STARD13: variants seen among roughly 807,000 people sequenced by gnomAD.
The protein encoded by STARD13 is stAR-related lipid transfer protein 13.
Under a neutral mutation model 106.4 loss-of-function variants are expected in STARD13, and 62 were observed. The observed-to-expected ratio is 0.58, with a 90% CI of 0.48 to 0.72. STARD13 has a LOEUF of 0.72. Among genes scored for constraint, STARD13 ranks in the 30% least tolerant of loss-of-function variants. The pLI, the probability that STARD13 is intolerant of heterozygous loss-of-function variation, is 0.00. For synonymous variants in STARD13, 565 were observed against 553.0 expected, an observed-to-expected ratio of 1.02 and a Z score of -0.31; for missense variants, 1,387 against 1,424.0, an observed-to-expected ratio of 0.97 and a Z score of 0.42.
intron 1 of STARD13, among the ~76,000 whole-genome samples, chr13:33,220,419 G>A (rs1302827505): frequency 3.9e-5 from 6 of 152,190 alleles, no homozygotes; most frequent in African/African-American, 1.2e-4. Flanking sequence ...TAGGCCAGGC[G>A]TGGTGGCTCA....
chr13:33,125,957 C>G, intron 7 of STARD13, 124 bp downstream of exon 7: 4 of 865,734 alleles, frequency 4.6e-6, no homozygotes, highest in Non-Finnish European at 7.2e-6. Context: ...GGTCACAATG[C>G]CTTTTATTTT....
At chr13:33,670,790 G>A in the STARD13 span, among the ~76,000 whole-genome samples, 1 of 152,144 alleles carries the variant, frequency 6.6e-6, no homozygotes, top group Non-Finnish European at 1.5e-5. Flanking sequence ...CATTCAACTA[G>A]TTATTAATCT....
At chr13:33,179,241 C>T (rs901864733) in intron 1 of STARD13, among the ~76,000 whole-genome samples, 10 of 152,148 alleles carry the variant, frequency 6.6e-5, no homozygotes, top group African/African-American at 1.2e-4. Flanking sequence ...GGGGTAAATA[C>T]GGCATCAAGC....
intron 1 of STARD13, among the ~76,000 whole-genome samples, chr13:33,308,520 C>CTTTTCT (rs1893003826): frequency 5.6e-5 from 5 of 88,552 alleles, no homozygotes; most frequent in Admixed American, 1.5e-4. Context: ...CTTTTTCTTT[C>CTTTTCT]TTTTTTTTTT....
the STARD13 span, among the ~76,000 whole-genome samples, chr13:33,525,728 C>T: frequency 8.5e-5 from 13 of 152,092 alleles, no homozygotes; most frequent in East Asian, 2.1e-3. Context: ...ATCAGATCTG[C>T]GGAAGCAGGA....
the STARD13 span, among the ~76,000 whole-genome samples, chr13:33,544,856 C>A: frequency 6.8e-6 from 1 of 147,414 alleles, no homozygotes; most frequent in African/African-American, 2.5e-5. Context: ...TCACTGCAAT[C>A]TCTGCCTCCC....
At chr13:33,430,787 T>C in the STARD13 span, among the ~76,000 whole-genome samples, 8 of 152,032 alleles carry the variant, frequency 5.3e-5, no homozygotes, top group Admixed American at 4.6e-4. Context: ...GAACTGGAGG[T>C]CATTAGTTTA....
At chr13:33,446,798 C>T in the STARD13 span, among the ~76,000 whole-genome samples, 1 of 152,050 alleles carries the variant, frequency 6.6e-6, no homozygotes, top group East Asian at 1.9e-4. Flanking sequence ...TTTAATAAAC[C>T]ATAGCATTTT....
intron 12 of STARD13, among the ~76,000 whole-genome samples, chr13:33,108,203 G>T (rs890630068): frequency 3.9e-5 from 6 of 152,234 alleles, no homozygotes; most frequent in Non-Finnish European, 8.8e-5. Context: ...AAGGTGACCA[G>T]CCTCATACAT....
intron 1 of STARD13, among the ~76,000 whole-genome samples, chr13:33,308,158 T>C (rs532724936): frequency 1.3e-5 from 2 of 152,346 alleles, no homozygotes; most frequent in East Asian, 1.9e-4. Flanking sequence ...AATTAAATCA[T>C]GGCTATCTCC....
At chr13:33,256,526 G>A (rs1890373220) in intron 1 of STARD13, among the ~76,000 whole-genome samples, 1 of 152,194 alleles carries the variant, frequency 6.6e-6, no homozygotes, top group East Asian at 1.9e-4. Flanking sequence ...CCACAATGCA[G>A]CACATTTTCT....
upstream of STARD13, among the ~76,000 whole-genome samples, chr13:33,289,343 G>C (rs536462755): frequency 6.6e-6 from 1 of 152,184 alleles, no homozygotes; most frequent in Non-Finnish European, 1.5e-5. Flanking sequence ...AAAGGAAAGA[G>C]GAGAGAAGGG....
chr13:33,115,436 C>A (rs1875223683), intron 8 of STARD13, among the ~76,000 whole-genome samples: 2 of 152,192 alleles, frequency 1.3e-5, no homozygotes, highest in Non-Finnish European at 2.9e-5. Context: ...CTCTTGTGCA[C>A]CACTTCCAGA....
the STARD13 span, among the ~76,000 whole-genome samples, chr13:33,451,542 G>C: frequency 5.3e-5 from 8 of 152,142 alleles, no homozygotes; most frequent in Non-Finnish European, 7.3e-5. Context: ...TAACAGGGGA[G>C]GTGTACAGGG....
the STARD13 span, among the ~76,000 whole-genome samples, chr13:33,528,257 C>CATATATATATATACAT: frequency 1.1e-5 from 1 of 92,930 alleles, no homozygotes; most frequent in African/African-American, 6.5e-5. Flanking sequence ...TATATATATA[C>CATATATATATATACAT]ATATATATAT....
chr13:33,510,619 C>T, the STARD13 span, among the ~76,000 whole-genome samples: 1 of 152,258 alleles, frequency 6.6e-6, no homozygotes, highest in East Asian at 1.9e-4. Flanking sequence ...CCTGGGTCTT[C>T]TGTTGGAGCT....
the STARD13 span, among the ~76,000 whole-genome samples, chr13:33,544,604 C>G: frequency 6.6e-6 from 1 of 152,220 alleles, no homozygotes; most frequent in Non-Finnish European, 1.5e-5. Context: ...CCTCTCTGCT[C>G]TAGCCTGAAT....
At chr13:33,342,454 AGTTT>A (rs2077971204) in intron 1 of STARD13, among the ~76,000 whole-genome samples, 1 of 152,038 alleles carries the variant, frequency 6.6e-6, no homozygotes, top group Admixed American at 6.6e-5. Flanking sequence ...CCTTAAAAAA[AGTTT>A]GTTTGCTTTT....
chr13:33,663,968 C>T, the STARD13 span, among the ~76,000 whole-genome samples: 2 of 152,222 alleles, frequency 1.3e-5, no homozygotes, highest in African/African-American at 2.4e-5. Flanking sequence ...TGAAGAGAGA[C>T]TGGCAACTTC....
Sources: gnomAD v4.1 joint callset for allele counts (sites outside exome capture counted in the v4.1 genomes callset) on GRCh38, gnomAD v4.1.1 for gene constraint, MANE v1.5 for transcripts, NCBI Gene and HGNC (gene_info 2026-07-23, HGNC 2026-07-21) for gene names.